GRHL2: variants seen among roughly 807,000 people sequenced by gnomAD.
GRHL2 encodes grainyhead-like protein 2 homolog.
GRHL2 carries 21 observed loss-of-function variants against 83.8 expected under a neutral mutation model. That is an observed-to-expected ratio of 0.25 (90% CI 0.18 to 0.36). The LOEUF (loss-of-function observed/expected upper bound fraction) is 0.36. GRHL2 is among the 10% of genes least tolerant of loss of function. The pLI is 1.00. For missense variants in GRHL2, 623 were observed against 781.8 expected, an observed-to-expected ratio of 0.80 and a Z score of 2.42; for synonymous variants, 280 against 278.9, an observed-to-expected ratio of 1.00 and a Z score of -0.04.
intron 15 of GRHL2, among the ~76,000 whole-genome samples, chr8:101,665,491 CT>C (rs1405092480): frequency 7.2e-5 from 11 of 152,118 alleles, no homozygotes; most frequent in African/African-American, 2.7e-4. Flanking sequence ...CACCTGAGCT[CT>C]TGTTGGAAGA....
intron 1 of GRHL2, 160 bp downstream of exon 1, chr8:101,492,949 A>C: frequency 2.8e-6 from 2 of 714,450 alleles, no homozygotes; most frequent in Non-Finnish European, 5.1e-6. Context: ...TTATGTTTCT[A>C]CCCTGATTAA....
intron 3 of GRHL2, among the ~76,000 whole-genome samples, chr8:101,554,663 A>G (rs1811455503): frequency 6.6e-6 from 1 of 152,250 alleles, no homozygotes; most frequent in African/African-American, 2.4e-5. Context: ...ATATGTTAAT[A>G]TAGTATCATT....
chr8:101,553,668 A>T (rs2130160028), intron 3 of GRHL2, among the ~76,000 whole-genome samples: 1 of 131,252 alleles, frequency 7.6e-6, no homozygotes. Flanking sequence ...TCGCTCTGTC[A>T]CCAGGCTGGA....
At chr8:101,580,700 TTTTA>T (rs1249907041) in intron 7 of GRHL2, among the ~76,000 whole-genome samples, 1 of 152,018 alleles carries the variant, frequency 6.6e-6, no homozygotes, top group Admixed American at 6.6e-5. Context: ...ATTTATTTTA[TTTTA>T]TTTATTTATT....
chr8:101,645,541 A>G (rs1813495597), intron 13 of GRHL2, among the ~76,000 whole-genome samples: 1 of 152,120 alleles, frequency 6.6e-6, no homozygotes, highest in Non-Finnish European at 1.5e-5. Flanking sequence ...ACCCGTCTGT[A>G]GCCTGCCACA....
chr8:101,625,893 C>T lies in GRHL2; in HGVS notation c.1258-5744C>T, dbSNP rs910734111. On this transcript the variant is annotated intron_variant, in intron 9 of 15. Coordinates refer to ENST00000646743, the MANE Select transcript of GRHL2 (RefSeq NM_024915.4). ...ACATCCTGATATTAAGGGTTGGAGTCGGGGATGTCAGGAAAATCATAAGGA... is the reference window on the plus strand; with the variant it reads ...ACATCCTGATATTAAGGGTTGGAGTTGGGGATGTCAGGAAAATCATAAGGA... Among the ~76,000 whole-genome samples the T allele has an allele frequency of 5.9e-5, 9 of 151,840 alleles. No individual in the cohort carries two copies. The South Asian group carries it at 8.3e-4, about 14-fold the overall frequency.
intron 7 of GRHL2, among the ~76,000 whole-genome samples, chr8:101,581,919 A>G (rs1222305640): frequency 6.6e-6 from 1 of 152,210 alleles, no homozygotes; most frequent in East Asian, 1.9e-4. Flanking sequence ...TAGCACATTC[A>G]TAGATACAGT....
chr8:101,502,317 G>C (rs752417281), intron 1 of GRHL2, among the ~76,000 whole-genome samples: 1 of 152,108 alleles, frequency 6.6e-6, no homozygotes, highest in Non-Finnish European at 1.5e-5. Context: ...TCACAGCAGG[G>C]GCCATGAACA....
At chr8:101,619,768 C>A in intron 9 of GRHL2, 71 bp downstream of exon 9, 1 of 1,190,302 alleles carries the variant, frequency 8.4e-7, no homozygotes. Context: ...GCATTTCTTC[C>A]TTGTCACCTT....
At chr8:101,677,846 T>A in the GRHL2 span, among the ~76,000 whole-genome samples, 1 of 152,200 alleles carries the variant, frequency 6.6e-6, no homozygotes, top group African/African-American at 2.4e-5. Context: ...GGACATGTGG[T>A]CAGCGTTCAC....
intron 1 of GRHL2, among the ~76,000 whole-genome samples, chr8:101,519,548 C>G (rs2130039488): frequency 6.6e-6 from 1 of 150,564 alleles, no homozygotes; most frequent in Admixed American, 6.6e-5. Context: ...AGGTGTGCCA[C>G]CATGACCAGC....
chr8:101,582,945 T>C (rs1812087490), intron 7 of GRHL2, among the ~76,000 whole-genome samples: 1 of 152,180 alleles, frequency 6.6e-6, no homozygotes, highest in Admixed American at 6.5e-5. Flanking sequence ...GAAGCAGATT[T>C]TAGAGATCCA....
rs116776011 is a variant in GRHL2, at chr8:101,665,325, A to G, written c.1763+807A>G. ...AAGTGCCAGGAGAGGGTATCTGTTG[A>G]CTCAGCTTCTGGGGTATTTTCCTAC... On this transcript the variant is annotated intron_variant, in intron 15 of 15. Coordinates refer to ENST00000646743, the MANE Select transcript of GRHL2 (RefSeq NM_024915.4). Among the ~76,000 whole-genome samples the G allele has an allele frequency of 9.9e-3, 1,505 of 152,132 alleles. 26 individuals carry two copies. Among genetic ancestry groups the G allele is most frequent in the African/African-American group, 0.034 (1,417 of 41,492 alleles).
At chr8:101,573,962 G>T (rs1811880678) in intron 6 of GRHL2, 138 bp downstream of exon 6, 1 of 989,200 alleles carries the variant, frequency 1.0e-6, no homozygotes, top group African/African-American at 1.6e-5. Flanking sequence ...AGAGAGTTGG[G>T]GCAAGAGCAC....
chr8:101,556,151 T>G (rs942452754), intron 3 of GRHL2, among the ~76,000 whole-genome samples: 1 of 152,106 alleles, frequency 6.6e-6, no homozygotes, highest in African/African-American at 2.4e-5. Context: ...GAGATGGCGT[T>G]TCTCCATGGT....
intron 8 of GRHL2, among the ~76,000 whole-genome samples, chr8:101,604,613 AAC>A (rs1262128252): frequency 1.3e-5 from 2 of 152,098 alleles, no homozygotes; most frequent in Admixed American, 1.3e-4. Flanking sequence ...TTTTCACTGG[AAC>A]ACCGTAACAA....
intron 1 of GRHL2, among the ~76,000 whole-genome samples, chr8:101,539,859 T>C (rs1337294148): frequency 6.6e-6 from 1 of 152,150 alleles, no homozygotes; most frequent in Non-Finnish European, 1.5e-5. Context: ...GTCCCCTCTG[T>C]CGTGTGCCCT....
intron 14 of GRHL2, among the ~76,000 whole-genome samples, chr8:101,650,804 A>ATATCTATC (rs59979330): frequency 0.042 from 6,182 of 145,954 alleles, 155 homozygotes; most frequent in Middle Eastern, 0.14. Flanking sequence ...GTGAATTGTG[A>ATATCTATC]TATCTATCTA....
the GRHL2 span, among the ~76,000 whole-genome samples, chr8:101,678,455 G>A: frequency 6.6e-6 from 1 of 152,166 alleles, no homozygotes; most frequent in South Asian, 2.1e-4. Flanking sequence ...CTCGCTGATT[G>A]CTAGCACAGC....
Sources: allele counts gnomAD v4.1 joint callset (sites outside exome capture counted in the v4.1 genomes callset), GRCh38; gene constraint gnomAD v4.1.1; transcripts MANE v1.5; gene names NCBI Gene and HGNC (gene_info 2026-07-23, HGNC 2026-07-21).